KLHL9: variants seen among roughly 807,000 people sequenced by gnomAD.
KLHL9 encodes kelch-like protein 9.
KLHL9 carries 27 observed loss-of-function variants against 42.3 expected under a neutral mutation model. The ratio of observed to expected loss-of-function variants is 0.64; its 90% CI spans 0.47 to 0.88. The LOEUF is 0.88. Among genes scored for constraint, KLHL9 ranks in the 40% least tolerant of loss-of-function variants. The pLI, the probability that KLHL9 is intolerant of heterozygous loss-of-function variation, is 0.00. For synonymous variants in KLHL9, 274 were observed against 254.4 expected (o/e 1.08, Z -0.73); for missense variants, 629 against 750.3 (o/e 0.84, Z 1.89).
rs747282144 is a variant in KLHL9, at chr9:21,333,707, A to G, written c.1153T>C (p.Leu385=). 1.9e-6 allele frequency: 3 copies of G among 1,614,234 alleles called. No individual in the cohort carries two copies. The highest frequency in any genetic ancestry group is 1.7e-5 in the Admixed American group (1 of 60,028). ...TGAAAGAATGTGCGCTTTTCATTTAATGATGCAACCTGCATCCATTTATTA... is the reference window on the plus strand; with the variant it reads ...TGAAAGAATGTGCGCTTTTCATTTAGTGATGCAACCTGCATCCATTTATTA... The part of the protein sequence containing the change: ...RYNKWMQVAS[L]NEKRTFFHLS... Residue 385 remains leucine (L), a synonymous_variant, in exon 1 of 1, where the codon TTA becomes CTA. Transcript: ENST00000359039. The surrounding 1 kb of genome is among the most constrained non-coding windows in gnomAD (Gnocchi z 7.5).
chr9:21,333,350 T>G lies in KLHL9; in HGVS notation c.1510A>C (p.Arg504=). ...KLYVIGGNHF[R]GTSDYDDVLS... ...ACATCATCATAATCACTTGTTCCTC[T>G]GAAGTGATTGCCACCAATGACATAG... The change falls in exon 1 of 1, where the codon AGA becomes CGA. Residue 504 remains arginine, a synonymous_variant. Transcript: ENST00000359039. The surrounding 1 kb of genome is among the most constrained non-coding windows in gnomAD (Gnocchi z 7.5). 1 of 1,614,238 alleles carries G rather than the reference T, an allele frequency of 6.2e-7. No homozygotes were observed. Among genetic ancestry groups the G allele is most frequent in the Non-Finnish European group, 8.5e-7 (1 of 1,180,046 alleles).
rs761712277 is a variant in KLHL9 at position 21,331,508 on chromosome 9, TACAC to T, written c.*1494_*1497del. On this transcript the variant is annotated 3_prime_UTR_variant, in exon 1 of 1. Transcript: ENST00000359039. Reference sequence around the variant, plus strand: ...GGTATAGGGGGTTGTGTGTGTGTATTACACACACACACAATGTATATATAAATTT... The same window carrying T: ...GGTATAGGGGGTTGTGTGTGTGTATTACACACACAATGTATATATAAATTT... 3 of 139,332 alleles carry T rather than the reference TACAC, an allele frequency of 2.2e-5. No homozygotes were observed. Among genetic ancestry groups the T allele is most frequent in the Non-Finnish European group, 3.1e-5 (2 of 63,618 alleles). The allele number at this position is 139,332 out of a possible 1,614,324, so 8.6% of individuals were successfully genotyped here.
In KLHL9 at chr9:21,332,879, C is replaced by A; in HGVS notation, c.*127G>T. ...AGCCACTTGATAAACATACTAAAAG[C>A]CATACAAGACGAATAACATCAGTTA... On this transcript the variant is annotated 3_prime_UTR_variant, in exon 1 of 1. Transcript: ENST00000359039. 1.4e-6 allele frequency: 2 copies of A among 1,382,078 alleles called. No individual in the cohort carries two copies. The highest frequency in any genetic ancestry group is 1.9e-6 in the Non-Finnish European group (2 of 1,026,686). 85.6% of individuals were successfully genotyped at this position (1,382,078 alleles called of 1,614,324 possible).
rs1313787166 is a variant in KLHL9 at position 21,334,355 on chromosome 9, CT to C, written c.504del (p.Val169TrpfsTer10). ...ATGAAATTATTAACATATTTATCCA[CT>C]TCTATAAGATTGTAGGTGTTAGCAA... ...GRIANTYNLIEVDKYVNNFIL... is the reference protein window; with the variant it reads ...GRIANTYNLIXVDKYVNNFIL... On this transcript the variant is annotated frameshift_variant, in exon 1 of 1. Coordinates refer to ENST00000359039, the MANE Select transcript of KLHL9 (RefSeq NM_018847.4). LOFTEE classifies it high-confidence loss of function. This position sits in a 1 kb window ranked among gnomAD's most constrained non-coding sequence, Gnocchi z 5.1. 6.2e-7 allele frequency: 1 copy of C among 1,613,418 alleles called. No homozygotes were observed. Among genetic ancestry groups the C allele is most frequent in the Non-Finnish European group, 8.5e-7 (1 of 1,179,548 alleles).
chr9:21,333,576 A>G lies in KLHL9; in HGVS notation c.1284T>C (p.Tyr428=). 1 of 1,614,216 alleles carries G rather than the reference A, an allele frequency of 6.2e-7. No individual in the cohort carries two copies. Among genetic ancestry groups the G allele is most frequent in the African/African-American group, 1.3e-5 (1 of 75,030 alleles). The stretch of plus-strand genomic sequence containing the variant: ...AGTGGGGTTCACTCATTTTTGCAAC[A>G]TAGCTCCACTCATTCATTCTTGGGT... ...CYNPRMNEWS[Y]VAKMSEPHYG... is the part of the protein sequence containing the mutation. The change falls in exon 1 of 1, where the codon TAT becomes TAC. Residue 428 remains tyrosine (Y), a synonymous_variant. Coordinates refer to ENST00000359039, the MANE Select transcript of KLHL9 (RefSeq NM_018847.4). The surrounding 1 kb of genome is among the most constrained non-coding windows in gnomAD (Gnocchi z 7.5).
In KLHL9 at chr9:21,335,242, G is replaced by T; in HGVS notation, c.-383C>A. ...GGCGGGTCCGGACACCTCAGCGAAC[G>T]GCCCGCTGCGCCCTCCGCTGTACCT... On this transcript the variant is annotated 5_prime_UTR_variant, in exon 1 of 1. Coordinates refer to ENST00000359039, the MANE Select transcript of KLHL9 (RefSeq NM_018847.4). 2.1e-6 allele frequency: 1 copy of T among 483,798 alleles called. No homozygotes were observed. The allele number at this position is 483,798 out of a possible 1,614,324, so 30.0% of individuals were successfully genotyped here.
Position 21,329,811 on chromosome 9 carries a change from T to C in KLHL9, c.*3195A>G, listed in dbSNP as rs1820139598. On this transcript the variant is annotated 3_prime_UTR_variant, in exon 1 of 1. Coordinates refer to ENST00000359039, the MANE Select transcript of KLHL9 (RefSeq NM_018847.4). Reference sequence around the variant, plus strand: ...CTATTAATAGAAATTATCTTCAACATGTGGAATCACTGATAAATTAGTTTG... The same window carrying C: ...CTATTAATAGAAATTATCTTCAACACGTGGAATCACTGATAAATTAGTTTG... 1 of 151,150 alleles carries C rather than the reference T, an allele frequency of 6.6e-6. No individual in the cohort carries two copies. Among genetic ancestry groups the C allele is most frequent in the Admixed American group, 6.6e-5 (1 of 15,150 alleles). 9.4% of individuals were successfully genotyped at this position (151,150 alleles called of 1,614,324 possible).
Position 21,334,708 on chromosome 9 carries a change from T to A in KLHL9, c.152A>T (p.Asp51Val). 1 of 1,613,836 alleles carries A rather than the reference T, an allele frequency of 6.2e-7. No homozygotes were observed. The highest frequency in any genetic ancestry group is 1.1e-5 in the South Asian group (1 of 91,058). The part of the protein sequence containing the change: ...DQLRIEGLLC[D>V]VTLVPGDGDE... ...TCCATCACCTGGTACCAGGGTCACA[T>A]CACAAAGCAATCCTTCTATTCTAAG... The change falls in exon 1 of 1, where the codon GAT becomes GTT. Residue 51 changes from aspartate (D) to valine (V), a missense_variant. This residue lies in a region of KLHL9 where 351 missense variants were observed against 363.1 expected (regional missense o/e 0.97). Transcript: ENST00000359039. This position sits in a 1 kb window ranked among gnomAD's most constrained non-coding sequence, Gnocchi z 5.1.
Position 21,329,809 on chromosome 9 carries a change from C to T in KLHL9, c.*3197G>A, listed in dbSNP as rs1170926797. ...TACTATTAATAGAAATTATCTTCAA[C>T]ATGTGGAATCACTGATAAATTAGTT... On this transcript the variant is annotated 3_prime_UTR_variant, in exon 1 of 1. Coordinates refer to ENST00000359039, the MANE Select transcript of KLHL9 (RefSeq NM_018847.4). The T allele has an allele frequency of 6.6e-6, 1 of 150,890 alleles. No homozygotes were observed. The highest frequency in any genetic ancestry group is 1.5e-5 in the Non-Finnish European group (1 of 67,754). 9.3% of individuals were successfully genotyped at this position (150,890 alleles called of 1,614,324 possible).
Position 21,331,223 on chromosome 9 carries a change from T to C in KLHL9, c.*1783A>G, listed in dbSNP as rs1820164888. The stretch of plus-strand genomic sequence containing the variant: ...TGCTTATTCAATAAAGTTAATAATT[T>C]CTAATTTTTCTACTTTTCAAATGTA... On this transcript the variant is annotated 3_prime_UTR_variant, in exon 1 of 1. Coordinates refer to ENST00000359039, the MANE Select transcript of KLHL9 (RefSeq NM_018847.4). 1 of 152,528 alleles carries C rather than the reference T, an allele frequency of 6.6e-6. No individual in the cohort carries two copies. The highest frequency in any genetic ancestry group is 2.1e-4 in the South Asian group (1 of 4,826). 9.4% of individuals were successfully genotyped at this position (152,528 alleles called of 1,614,324 possible).
In KLHL9 at chr9:21,333,400, C is replaced by T. The variant is rs2133030630; in HGVS notation, c.1460G>A (p.Cys487Tyr). The change falls in exon 1 of 1, where the codon TGC becomes TAC. Residue 487 changes from cysteine to tyrosine, a missense_variant. This residue lies in a region of KLHL9 where 214 missense variants were observed against 305.8 expected (regional missense o/e 0.70). Transcript: ENST00000359039. This position sits in a 1 kb window ranked among gnomAD's most constrained non-coding sequence, Gnocchi z 7.5. ...GAGCTTATCTCCAACTGTACACATG[C>T]AATGCAGACCTCTGACTGTAGTCAT... Reference protein sequence around the residue: ...APMTTVRGLHCMCTVGDKLYV... With the variant: ...APMTTVRGLHYMCTVGDKLYV... 1 of 1,614,212 alleles carries T rather than the reference C, an allele frequency of 6.2e-7. No individual in the cohort carries two copies. Among genetic ancestry groups the T allele is most frequent in the Non-Finnish European group, 8.5e-7 (1 of 1,180,042 alleles).
chr9:21,334,037 T>C lies in KLHL9; in HGVS notation c.823A>G (p.Asn275Asp). Residue 275 changes from asparagine (N) to aspartate (D), a missense_variant, in exon 1 of 1, where the codon AAT (asparagine) becomes GAT (aspartate). By Grantham distance (23) the Asn-to-Asp change is conservative. This residue lies in a region of KLHL9 where 351 missense variants were observed against 363.1 expected (regional missense o/e 0.97). Coordinates refer to ENST00000359039, the MANE Select transcript of KLHL9 (RefSeq NM_018847.4). The surrounding 1 kb of genome is among the most constrained non-coding windows in gnomAD (Gnocchi z 5.1). Reference protein sequence around the residue: ...TCVNLLLEASNYQMMPYMQPV... With the variant: ...TCVNLLLEASDYQMMPYMQPV... ...TGCATATATGGCATCATTTGGTAAT[T>C]GCTAGCTTCCAAAAGCAAATTCACG... 1.2e-6 allele frequency: 2 copies of C among 1,614,258 alleles called. No individual in the cohort carries two copies. Among genetic ancestry groups the C allele is most frequent in the Non-Finnish European group, 1.7e-6 (2 of 1,180,048 alleles).
Position 21,330,628 on chromosome 9 carries a change from C to CT in KLHL9, c.*2377dup, listed in dbSNP as rs988518471. ...CAGACATAAGATGTAATAAAAAGTA[C>CT]TTTTTTTCAATAAAAGGAAAAGCCT... On this transcript the variant is annotated 3_prime_UTR_variant, in exon 1 of 1. Coordinates refer to ENST00000359039, the MANE Select transcript of KLHL9 (RefSeq NM_018847.4). 6.6e-6 allele frequency: 1 copy of CT among 152,062 alleles called. No individual in the cohort carries two copies. 9.4% of individuals were successfully genotyped at this position (152,062 alleles called of 1,614,324 possible).
Position 21,334,454 on chromosome 9 carries a change from G to A in KLHL9, c.406C>T (p.Pro136Ser), listed in dbSNP as rs1820230469. ...AATACTTTACAGAAATCCAAAACGG[G>A]TAATATTTGTAAAAAGCTAGCAGCT... ...LEAASFLQIL[P>S]VLDFCKVFLI... is the part of the protein sequence containing the mutation. Residue 136 changes from proline (P) to serine (S), a missense_variant, in exon 1 of 1, where the codon CCC (proline) becomes TCC (serine). Pro to Ser is a moderately conservative substitution (Grantham distance 74, BLOSUM62 -1). This residue lies in a region of KLHL9 where 351 missense variants were observed against 363.1 expected (regional missense o/e 0.97). Coordinates refer to ENST00000359039, the MANE Select transcript of KLHL9 (RefSeq NM_018847.4). The surrounding 1 kb of genome is among the most constrained non-coding windows in gnomAD (Gnocchi z 5.1). The A allele has an allele frequency of 1.9e-6, 3 of 1,613,840 alleles. No individual in the cohort carries two copies. Among genetic ancestry groups the A allele is most frequent in the Non-Finnish European group, 2.5e-6 (3 of 1,179,808 alleles).
In KLHL9 at chr9:21,334,595, C is replaced by G. The variant is rs200040272; in HGVS notation, c.265G>C (p.Asp89His). The change falls in exon 1 of 1, where the codon GAT (aspartate) becomes CAT (histidine). Residue 89 changes from aspartate (D) to histidine (H), a missense_variant. This residue lies in a region of KLHL9 where 351 missense variants were observed against 363.1 expected (regional missense o/e 0.97). Coordinates refer to ENST00000359039, the MANE Select transcript of KLHL9 (RefSeq NM_018847.4). The surrounding 1 kb of genome is among the most constrained non-coding windows in gnomAD (Gnocchi z 5.1). ...CCATGAAGCTTAATGCACATCAAATCTTGTTCTTTCATTCCACCTGTGAAC... is the reference window on the plus strand; with the variant it reads ...CCATGAAGCTTAATGCACATCAAATGTTGTTCTTTCATTCCACCTGTGAAC... ...AMFTGGMKEQ[D>H]LMCIKLHGVN... 6.2e-7 allele frequency: 1 copy of G among 1,614,182 alleles called. No homozygotes were observed.
rs547936124 is a variant in KLHL9, at chr9:21,331,067, C to A, written c.*1939G>T. ...TATAAAGAGATCCTATAACTTGATACGAAAAACAAAGCAACTCCAACAGAT... is the reference window on the plus strand; with the variant it reads ...TATAAAGAGATCCTATAACTTGATAAGAAAAACAAAGCAACTCCAACAGAT... On this transcript the variant is annotated 3_prime_UTR_variant, in exon 1 of 1. Coordinates refer to ENST00000359039, the MANE Select transcript of KLHL9 (RefSeq NM_018847.4). 1 of 152,432 alleles carries A rather than the reference C, an allele frequency of 6.6e-6. No individual in the cohort carries two copies. Among genetic ancestry groups the A allele is most frequent in the Admixed American group, 6.6e-5 (1 of 15,266 alleles). 9.4% of individuals were successfully genotyped at this position (152,432 alleles called of 1,614,324 possible). A position where few individuals can be genotyped will look rare whatever the true frequency, so the allele number is the denominator to read the frequency against.
rs1820197169 is a variant in KLHL9, at chr9:21,332,808, TTTG to T, written c.*195_*197del. ...AACATTTTTCTACGTCTTTTTTTCATTTGTTAAAACAGCTATGTTAAATACATT... is the reference window on the plus strand; with the variant it reads ...AACATTTTTCTACGTCTTTTTTTCATTTAAAACAGCTATGTTAAATACATT... On this transcript the variant is annotated 3_prime_UTR_variant, in exon 1 of 1. Transcript: ENST00000359039. 4.0e-6 allele frequency: 3 copies of T among 757,558 alleles called. No individual in the cohort carries two copies. The allele number at this position is 757,558 out of a possible 1,614,324, so 46.9% of individuals were successfully genotyped here.
rs929642005 is a variant in KLHL9 at position 21,335,181 on chromosome 9, C to A, written c.-322G>T. On this transcript the variant is annotated 5_prime_UTR_variant, in exon 1 of 1. Transcript: ENST00000359039. Reference sequence around the variant, plus strand: ...AGTTCCGCTTCGGGCAAGGAAGAGGCGCCGCCACGTACTGTGGCTCCACGG... The same window carrying A: ...AGTTCCGCTTCGGGCAAGGAAGAGGAGCCGCCACGTACTGTGGCTCCACGG... 3 of 511,698 alleles carry A rather than the reference C, an allele frequency of 5.9e-6. No homozygotes were observed. Among genetic ancestry groups the A allele is most frequent in the Non-Finnish European group, 7.0e-6 (2 of 283,944 alleles). The allele number at this position is 511,698 out of a possible 1,614,324, so 31.7% of individuals were successfully genotyped here.
rs767010973 is a variant in KLHL9 at position 21,330,966 on chromosome 9, C to T, written c.*2040G>A. ...TTGATCTCAAAAATTAACTGAACAG[C>T]GTTGCCTTTGTAAAACTACAACAGA... On this transcript the variant is annotated 3_prime_UTR_variant, in exon 1 of 1. Transcript: ENST00000359039. The T allele has an allele frequency of 4.0e-5, 6 of 151,698 alleles. No individual in the cohort carries two copies. Among genetic ancestry groups the T allele is most frequent in the African/African-American group, 1.2e-4 (5 of 41,214 alleles). 9.4% of individuals were successfully genotyped at this position (151,698 alleles called of 1,614,324 possible).
Sources: gnomAD v4.1 joint callset for allele counts on GRCh38, gnomAD v4.1.1 for gene constraint, gnomAD v4.1.1 regional missense constraint, Gnocchi (gnomAD v3.1) non-coding constraint, MANE v1.5 for transcripts, NCBI Gene and HGNC (gene_info 2026-07-23, HGNC 2026-07-21) for gene names.